CDKL3: variants seen among roughly 807,000 people sequenced by gnomAD.
CDKL3 encodes cyclin-dependent kinase-like 3.
CDKL3 carries 65 observed loss-of-function variants against 69.3 expected under a neutral mutation model. The ratio of observed to expected loss-of-function variants is 0.94; its 90% confidence interval spans 0.77 to 1.15. The LOEUF is 1.15. Ranked by LOEUF, CDKL3 falls within the 50% of genes most tolerant of loss-of-function variation. The probability of loss-of-function intolerance (pLI) is 0.00; values close to 1 mark genes in which losing one functional copy is unlikely to be tolerated. For missense variants in CDKL3, 652 were observed against 689.2 expected, an observed-to-expected ratio of 0.95 and a Z score of 0.61; for synonymous variants, 202 against 221.6, an observed-to-expected ratio of 0.91 and a Z score of 0.79.
intron 8 of CDKL3, among the ~76,000 whole-genome samples, chr5:134,289,731 G>T (rs326614): frequency 0.14 from 21,331 of 152,062 alleles, 1,831 homozygotes; most frequent in African/African-American, 0.23. Context: ...CTCTGGAGGA[G>T]ACTATGATAA....
chr5:134,371,078 TCTC>T (rs1758352169), upstream of CDKL3: 2 of 216,388 alleles, frequency 9.2e-6, no homozygotes, highest in South Asian at 1.2e-4. Flanking sequence ...TCTAGATACT[TCTC>T]CCCCTCCCAC....
intron 4 of CDKL3, among the ~76,000 whole-genome samples, chr5:134,329,966 C>T (rs556912495): frequency 1.2e-4 from 18 of 150,702 alleles, no homozygotes; most frequent in South Asian, 6.3e-4. Flanking sequence ...GGTGAGATCG[C>T]GCCACTGCAC....
At chr5:134,328,903 A>G (rs192917922) in intron 4 of CDKL3, among the ~76,000 whole-genome samples, 2 of 152,352 alleles carry the variant, frequency 1.3e-5, no homozygotes, top group East Asian at 1.9e-4. Flanking sequence ...TCTAGCAAAG[A>G]TATCTTTCAA....
At chr5:134,344,522 A>C (rs1182810768) in intron 4 of CDKL3, among the ~76,000 whole-genome samples, 1 of 152,234 alleles carries the variant, frequency 6.6e-6, no homozygotes, top group African/African-American at 2.4e-5. Flanking sequence ...ACAAATGGCC[A>C]ATAAGCACAC....
At chr5:134,343,899 G>A (rs190813253) in intron 4 of CDKL3, among the ~76,000 whole-genome samples, 81 of 152,244 alleles carry the variant, frequency 5.3e-4, no homozygotes, top group Admixed American at 1.1e-3. Flanking sequence ...CACTCACGCC[G>A]GCTCTGCGTG....
chr5:134,299,598 T>A (rs139092911), intron 12 of CDKL3: 4 of 1,383,494 alleles, frequency 2.9e-6, no homozygotes, highest in Admixed American at 2.8e-5. Flanking sequence ...TGTAAAATTA[T>A]CTAGTTAGCA....
intron 4 of CDKL3, among the ~76,000 whole-genome samples, chr5:134,329,113 G>A (rs749989321): frequency 2.6e-4 from 40 of 152,270 alleles, no homozygotes; most frequent in Admixed American, 1.8e-3. Context: ...GGCTGAGGTG[G>A]GAAGATTGCT....
intron 4 of CDKL3, 62 bp downstream of exon 4, chr5:134,350,187 C>A (rs1193516467): frequency 2.2e-5 from 30 of 1,347,922 alleles, no homozygotes; most frequent in Non-Finnish European, 2.9e-5. Flanking sequence ...CACGCCATCT[C>A]AAAAAATAAA....
chr5:134,323,819 C>G (rs148781387), intron 4 of CDKL3, among the ~76,000 whole-genome samples: 19 of 152,096 alleles, frequency 1.2e-4, no homozygotes, highest in Non-Finnish European at 2.2e-4. Flanking sequence ...TTTTTAGATA[C>G]AACACCAAAA....
chr5:134,291,425 A>T (rs1180927676), intron 8 of CDKL3, among the ~76,000 whole-genome samples: 1 of 152,216 alleles, frequency 6.6e-6, no homozygotes, highest in Admixed American at 6.5e-5. Context: ...ACTACGAAAC[A>T]TCATATCTCT....
At chr5:134,365,523 C>A (rs1040101522) in intron 2 of CDKL3, among the ~76,000 whole-genome samples, 1 of 152,028 alleles carries the variant, frequency 6.6e-6, no homozygotes, top group African/African-American at 2.4e-5. Flanking sequence ...TTCCAAAATT[C>A]CTTAATTGAA....
downstream of CDKL3, among the ~76,000 whole-genome samples, chr5:134,284,718 C>T (rs182582057): frequency 7.4e-4 from 112 of 152,320 alleles, no homozygotes; most frequent in African/African-American, 2.4e-3. Context: ...GCATTCCTTT[C>T]CCAGGGTTAT....
chr5:134,295,037 T>G (rs1442741525), downstream of CDKL3, among the ~76,000 whole-genome samples: 1 of 130,934 alleles, frequency 7.6e-6, no homozygotes, highest in East Asian at 2.1e-4. Context: ...TTTTTTGAGA[T>G]GGGGTCTCAG....
At chr5:134,344,172 G>A (rs1264152517) in intron 4 of CDKL3, among the ~76,000 whole-genome samples, 1 of 152,178 alleles carries the variant, frequency 6.6e-6, no homozygotes, top group Non-Finnish European at 1.5e-5. Flanking sequence ...AGACTTGAAT[G>A]TAAGAGCTAA....
chr5:134,336,175 G>C (rs558067268), intron 4 of CDKL3, among the ~76,000 whole-genome samples: 1 of 152,124 alleles, frequency 6.6e-6, no homozygotes, highest in African/African-American at 2.4e-5. Context: ...AGCTCCATCA[G>C]GTCATTTAAG....
At chr5:134,318,458 A>G (rs191717059) in intron 6 of CDKL3, among the ~76,000 whole-genome samples, 69 of 152,102 alleles carry the variant, frequency 4.5e-4, no homozygotes, top group Middle Eastern at 3.4e-3. Flanking sequence ...TAAATACAGT[A>G]AGTCCTTAGA....
At position 134,298,472 on chromosome 5, in the gene CDKL3, A is replaced by T. The variant is rs1181992577; in HGVS notation, c.*179T>A. On this transcript the variant is annotated 3_prime_UTR_variant, in exon 13 of 13. Coordinates refer to ENST00000265334, the MANE Select transcript of CDKL3 (RefSeq NM_001113575.2). ...TAATTCCAAATCAAATTATCACATCAACAGAGTCTTAAAAGGGAAAAGAAA... is the reference window on the plus strand; with the variant it reads ...TAATTCCAAATCAAATTATCACATCTACAGAGTCTTAAAAGGGAAAAGAAA... 5.6e-5 allele frequency: 78 copies of T among 1,387,230 alleles called. No homozygotes were observed. The highest frequency in any genetic ancestry group is 6.4e-5 in the Non-Finnish European group (69 of 1,075,906). The allele number at this position is 1,387,230 out of a possible 1,614,324, so 85.9% of individuals were successfully genotyped here.
Position 134,304,418 on chromosome 5 carries a change from T to G in CDKL3, c.1608A>C (p.Thr536=), listed in dbSNP as rs777931676. The G allele has an allele frequency of 9.3e-6, 15 of 1,610,278 alleles. No individual in the cohort carries two copies. Among genetic ancestry groups the G allele is most frequent in the Non-Finnish European group, 1.3e-5 (15 of 1,178,478 alleles). Residue 536 remains threonine (T), a synonymous_variant, in exon 11 of 13, where the codon ACA becomes ACC. Coordinates refer to ENST00000265334, the MANE Select transcript of CDKL3 (RefSeq NM_001113575.2). The part of the protein sequence containing the change: ...ELPVTIQSKD[T]KGMEVKQIKM... ...ACAAATGTGTACCTTCCATTCCTTT[T>G]GTATCTTTTGACTGTATTGTGACAG...
chr5:134,360,531 T>C (rs1018746849), intron 2 of CDKL3, among the ~76,000 whole-genome samples: 1 of 152,206 alleles, frequency 6.6e-6, no homozygotes, highest in African/African-American at 2.4e-5. Flanking sequence ...CAACTGAAAT[T>C]TCTCAACCAA....
Sources: gnomAD v4.1 joint callset for allele counts (sites outside exome capture counted in the v4.1 genomes callset) on GRCh38, gnomAD v4.1.1 for gene constraint, MANE v1.5 for transcripts, NCBI Gene and HGNC (gene_info 2026-07-23, HGNC 2026-07-21) for gene names.